RFFL: variants seen among roughly 807,000 people sequenced by gnomAD.
RFFL encodes E3 ubiquitin-protein ligase rififylin.
RFFL carries 16 observed loss-of-function variants against 40.4 expected under a neutral mutation model. The observed-to-expected ratio is 0.40, with a 90% CI of 0.27 to 0.60. RFFL has a LOEUF of 0.60. Ranked by LOEUF, RFFL falls within the 20% of genes least tolerant of loss-of-function variation. The probability of loss-of-function intolerance (pLI) is 0.47; values close to 1 mark genes in which losing one functional copy is unlikely to be tolerated. For synonymous variants in RFFL, 154 were observed against 167.9 expected, an observed-to-expected ratio of 0.92 and a Z score of 0.64; for missense variants, 367 against 451.7, an observed-to-expected ratio of 0.81 and a Z score of 1.70.
At chr17:35,069,165 T>A in intron 1 of RFFL, 1 of 438,796 alleles carries the variant, frequency 2.3e-6, no homozygotes, top group Non-Finnish European at 4.6e-6. Flanking sequence ...TACCTCTGAA[T>A]TCGTCTCTTC....
Position 35,044,596 on chromosome 17 carries a change from A to G in RFFL, c.-8-18035T>C, listed in dbSNP as rs139499542. On this transcript the variant is annotated intron_variant, in intron 1 of 6. Coordinates refer to ENST00000394597, the MANE Select transcript of RFFL (RefSeq NM_001017368.2). ...ACCACTGCAGTCCAGCCTGGGAGAC[A>G]GAGCGAGACTCCATCTCAAAAAAAA... 7.9e-3 allele frequency among the ~76,000 whole-genome samples: 1,197 copies of G among 152,358 alleles called. 21 individuals are homozygous for G. Among genetic ancestry groups the G allele is most frequent in the African/African-American group, 0.027 (1,122 of 41,572 alleles).
chr17:35,048,842 C>T (rs945263011), intron 1 of RFFL, among the ~76,000 whole-genome samples: 2 of 152,198 alleles, frequency 1.3e-5, no homozygotes, highest in African/African-American at 4.8e-5. Context: ...CTTCCTCCCA[C>T]AGACCTTTAG....
At chr17:35,072,278 C>G (rs201547758) in intron 1 of RFFL, among the ~76,000 whole-genome samples, 8 of 136,166 alleles carry the variant, frequency 5.9e-5, no homozygotes, top group African/African-American at 2.3e-4. Context: ...CAGACACTGT[C>G]TCAAAAAAAA....
At chr17:35,020,714 T>C (rs754851460) in intron 3 of RFFL, among the ~76,000 whole-genome samples, 6 of 152,134 alleles carry the variant, frequency 3.9e-5, no homozygotes, top group Non-Finnish European at 7.4e-5. Context: ...TTCCCTCTTC[T>C]GGGGGCTTTT....
At chr17:35,069,250 C>A (rs1294223356) in intron 1 of RFFL, 3 of 456,604 alleles carry the variant, frequency 6.6e-6, no homozygotes, top group Middle Eastern at 3.2e-4. Flanking sequence ...ACTTCCTAAA[C>A]GTCTACCCTG....
At chr17:35,027,138 C>T (rs1454952407) in intron 1 of RFFL, among the ~76,000 whole-genome samples, 1 of 152,200 alleles carries the variant, frequency 6.6e-6, no homozygotes, top group African/African-American at 2.4e-5. Context: ...CCAAACCTAA[C>T]ATCCTTTTCC....
chr17:35,078,014 T>C (rs2091385488), intron 1 of RFFL, among the ~76,000 whole-genome samples: 1 of 152,176 alleles, frequency 6.6e-6, no homozygotes, highest in South Asian at 2.1e-4. Context: ...ATAATAGCAT[T>C]TCTCAATCTT....
At chr17:35,040,543 C>T (rs1022973610) in intron 1 of RFFL, among the ~76,000 whole-genome samples, 2 of 150,490 alleles carry the variant, frequency 1.3e-5, no homozygotes, top group African/African-American at 4.9e-5. Context: ...GCAGAGGTTG[C>T]AGTGAGCTGA....
At position 35,011,374 on chromosome 17, in the gene RFFL, A is replaced by T. The variant is rs1368238079; in HGVS notation, c.*594T>A. ...AATTTTTCTATAGCATTTGTATTTC[A>T]TTTCTCACCAAAGATAAGTTTACTG... On this transcript the variant is annotated 3_prime_UTR_variant, in exon 7 of 7. Transcript: ENST00000394597. 1.3e-5 allele frequency: 2 copies of T among 152,194 alleles called. No individual in the cohort carries two copies. Among genetic ancestry groups the T allele is most frequent in the African/African-American group, 4.8e-5 (2 of 41,450 alleles). 9.4% of individuals were successfully genotyped at this position (152,194 alleles called of 1,614,324 possible).
chr17:35,030,634 C>T (rs1254673679), intron 1 of RFFL, among the ~76,000 whole-genome samples: 5 of 151,424 alleles, frequency 3.3e-5, no homozygotes, highest in African/African-American at 1.2e-4. Flanking sequence ...TGGGTTTTGT[C>T]ATATTGCCCA....
rs1464446360 is a variant in RFFL at position 35,009,975 on chromosome 17, A to G, written c.*1993T>C. On this transcript the variant is annotated 3_prime_UTR_variant, in exon 7 of 7. Coordinates refer to ENST00000394597, the MANE Select transcript of RFFL (RefSeq NM_001017368.2). ...GACAAAAGTGGAAAGGGATGTCTTC[A>G]TGAGCAAATCTGATTCCCCCAACTC... 2.0e-5 allele frequency: 3 copies of G among 152,692 alleles called. No homozygotes were observed. The highest frequency in any genetic ancestry group is 2.9e-5 in the Non-Finnish European group (2 of 68,054). The allele number at this position is 152,692 out of a possible 1,614,324, so 9.5% of individuals were successfully genotyped here. A position where few individuals can be genotyped will look rare whatever the true frequency, so the allele number is the denominator to read the frequency against.
intron 2 of RFFL, among the ~76,000 whole-genome samples, chr17:35,023,245 A>G (rs1018061989): frequency 1.3e-5 from 2 of 152,258 alleles, no homozygotes; most frequent in African/African-American, 4.8e-5. Flanking sequence ...AAGAGACAAG[A>G]TTCTCATAGT....
chr17:35,014,674 T>C, intron 6 of RFFL, 66 bp downstream of exon 6: 10 of 1,381,862 alleles, frequency 7.2e-6, no homozygotes, highest in South Asian at 3.5e-5. Context: ...ACTAAAGGGA[T>C]TGGGGTTGAA....
intron 2 of RFFL, among the ~76,000 whole-genome samples, chr17:35,026,065 G>C (rs2091038742): frequency 6.6e-6 from 1 of 152,226 alleles, no homozygotes; most frequent in African/African-American, 2.4e-5. Context: ...AACCCTGAAA[G>C]ATGAGGACTA....
rs938761586 is a variant in RFFL at position 35,007,923 on chromosome 17, T to TAGAG, written c.*4041_*4044dup. On this transcript the variant is annotated 3_prime_UTR_variant, in exon 7 of 7. Transcript: ENST00000394597. ...CGCAGCTAAGTTTTTGTATTTTTAG[T>TAGAG]AGAGACCACGTTTCGCCATGTTGTC... 3 of 152,174 alleles carry TAGAG rather than the reference T, an allele frequency of 2.0e-5. No individual in the cohort carries two copies. Among genetic ancestry groups the TAGAG allele is most frequent in the African/African-American group, 7.2e-5 (3 of 41,422 alleles). 9.4% of individuals were successfully genotyped at this position (152,174 alleles called of 1,614,324 possible). A position where few individuals can be genotyped will look rare whatever the true frequency, so the allele number is the denominator to read the frequency against.
intron 1 of RFFL, among the ~76,000 whole-genome samples, chr17:35,057,062 T>A (rs2091265733): frequency 6.6e-6 from 1 of 152,172 alleles, no homozygotes; most frequent in South Asian, 2.1e-4. Flanking sequence ...ATTACAGGCA[T>A]AAGCCACCAT....
Position 35,008,545 on chromosome 17 carries a change from C to G in RFFL, c.*3423G>C, listed in dbSNP as rs2090912721. ...CTCCTGGCTCAAGTGATCCTCCCAC[C>G]TCAGCCTTCCAAGTAGTTGGGACTA... On this transcript the variant is annotated 3_prime_UTR_variant, in exon 7 of 7. Transcript: ENST00000394597. 6.6e-6 allele frequency: 1 copy of G among 152,130 alleles called. No individual in the cohort carries two copies. The highest frequency in any genetic ancestry group is 6.5e-5 in the Admixed American group (1 of 15,270). The allele number at this position is 152,130 out of a possible 1,614,324, so 9.4% of individuals were successfully genotyped here.
At chr17:35,019,411 A>G (rs2090994328) in intron 3 of RFFL, among the ~76,000 whole-genome samples, 1 of 151,994 alleles carries the variant, frequency 6.6e-6, no homozygotes, top group Non-Finnish European at 1.5e-5. Context: ...ACAGGATCTC[A>G]CTCTGTTGCC....
At chr17:35,068,744 G>T (rs1451395043) in intron 1 of RFFL, among the ~76,000 whole-genome samples, 1 of 152,160 alleles carries the variant, frequency 6.6e-6, no homozygotes, top group Non-Finnish European at 1.5e-5. Context: ...AAGCATGCAG[G>T]AAAAGAAAGA....
Sources: gnomAD v4.1 joint callset for allele counts (sites outside exome capture counted in the v4.1 genomes callset) on GRCh38, gnomAD v4.1.1 for gene constraint, MANE v1.5 for transcripts, NCBI Gene and HGNC (gene_info 2026-07-23, HGNC 2026-07-21) for gene names.